The following CACNA1C variants were observed in gnomAD, a reference collection of about 807,000 sequenced individuals.
CACNA1C encodes voltage-dependent L-type calcium channel subunit alpha-1C.
A neutral mutation model predicts 229.0 loss-of-function variants in CACNA1C; 30 were observed. The observed-to-expected ratio is 0.13, with a 90% CI of 0.10 to 0.18. The LOEUF (loss-of-function observed/expected upper bound fraction) is 0.18. Among genes scored for constraint, CACNA1C ranks in the 10% least tolerant of loss-of-function variants. CACNA1C has a pLI of 1.00. For missense variants in CACNA1C, 1,658 were observed against 2,845.0 expected (o/e 0.58, Z 9.49); for synonymous variants, 1,114 against 1,132.5 (o/e 0.98, Z 0.33).
At position 2,608,487 on chromosome 12, in the gene CACNA1C, T is replaced by G. The variant is rs185174695; in HGVS notation, c.3357-24T>G. 41 of 1,578,224 alleles carry G rather than the reference T, an allele frequency of 2.6e-5. No individual in the cohort carries two copies. The African/African-American group carries it at 5.2e-4, about 20-fold the overall frequency. On this transcript the variant is annotated intron_variant, in intron 26 of 46. Transcript: ENST00000399655. This position sits in a 1 kb window ranked among gnomAD's most constrained non-coding sequence, Gnocchi z 4.2. ...GGGACCCTGCTTCTCCAGTTCCCTCTGTGGGACCTGTCTCCTCCTGCAGGC... is the reference window on the plus strand; with the variant it reads ...GGGACCCTGCTTCTCCAGTTCCCTCGGTGGGACCTGTCTCCTCCTGCAGGC...
At chr12:2,404,848 AG>A (rs1237203015) in intron 3 of CACNA1C, among the ~76,000 whole-genome samples, 2 of 152,166 alleles carry the variant, frequency 1.3e-5, no homozygotes, top group African/African-American at 2.4e-5. Flanking sequence ...TGAAGGACCG[AG>A]GGTATCCAGG....
At chr12:2,686,744 C>G (rs906272070) in intron 45 of CACNA1C, among the ~76,000 whole-genome samples, 7 of 152,146 alleles carry the variant, frequency 4.6e-5, no homozygotes, top group Admixed American at 4.6e-4. Context: ...GAATGACATC[C>G]GTGGGAAGCA....
chr12:2,062,969 T>C (rs1355317522), intron 1 of CACNA1C, among the ~76,000 whole-genome samples: 1 of 152,120 alleles, frequency 6.6e-6, no homozygotes, highest in Non-Finnish European at 1.5e-5. Flanking sequence ...ACCGTAAAAT[T>C]TACCCTTTTG....
chr12:2,098,668 T>G (rs1217958621), intron 1 of CACNA1C, among the ~76,000 whole-genome samples: 18 of 152,206 alleles, frequency 1.2e-4, no homozygotes, highest in Admixed American at 9.8e-4. Context: ...TAGCGATTGT[T>G]TTTAAGAGTT....
At chr12:2,573,294 C>T (rs1458837439) in intron 13 of CACNA1C, among the ~76,000 whole-genome samples, 2 of 152,226 alleles carry the variant, frequency 1.3e-5, no homozygotes, top group Non-Finnish European at 2.9e-5. Context: ...GAGATCCTCT[C>T]ACTTGGCTGA....
intron 3 of CACNA1C, among the ~76,000 whole-genome samples, chr12:2,297,030 G>A (rs1316989365): frequency 8.5e-5 from 13 of 152,168 alleles, no homozygotes; most frequent in Admixed American, 2.0e-4. Context: ...CCTGCCTTGG[G>A]GGTATAACCC....
intron 9 of CACNA1C, among the ~76,000 whole-genome samples, chr12:2,534,889 T>G (rs2099849498): frequency 6.6e-6 from 1 of 152,218 alleles, no homozygotes; most frequent in South Asian, 2.1e-4. Flanking sequence ...TCTCTATAAG[T>G]GACACAACAT....
At chr12:2,509,718 A>G (rs929220131) in intron 8 of CACNA1C, among the ~76,000 whole-genome samples, 3 of 152,142 alleles carry the variant, frequency 2.0e-5, no homozygotes, top group Non-Finnish European at 2.9e-5. Context: ...ACCAACAAAA[A>G]GCACAAAAAT....
rs2097783546 is a variant in CACNA1C, at chr12:2,368,908, A to T, written c.478-80068A>T. ...CAGTGAGGAAAGGATAAGAGACGGCATTCCTACAGATGAACAGAATGGTGC... is the reference window on the plus strand; with the variant it reads ...CAGTGAGGAAAGGATAAGAGACGGCTTTCCTACAGATGAACAGAATGGTGC... On this transcript the variant is annotated intron_variant, in intron 3 of 46. Coordinates refer to ENST00000399655, the MANE Select transcript of CACNA1C (RefSeq NM_000719.7). Among the ~76,000 whole-genome samples, 3 of 152,384 alleles carry T rather than the reference A, an allele frequency of 2.0e-5. No homozygotes were observed. The South Asian group carries it at 6.2e-4, about 32-fold the overall frequency.
chr12:2,680,483 A>AC (rs2097087217), intron 42 of CACNA1C: 1 of 1,568,280 alleles, frequency 6.4e-7, no homozygotes, highest in African/African-American at 1.4e-5. Context: ...GAGAGGACAC[A>AC]CCCTGCATCG....
chr12:2,181,165 G>A lies in CACNA1C; in HGVS notation c.477+60735G>A, dbSNP rs2096829968. Among the ~76,000 whole-genome samples the A allele has an allele frequency of 2.0e-5, 3 of 152,150 alleles. No individual in the cohort carries two copies. Among genetic ancestry groups the A allele is most frequent in the South Asian group, 2.1e-4 (1 of 4,820 alleles). ...GCCTGTGGACAGGAGAGCCCAGTCC[G>A]TGACGGCGGTAACAATGATCATTAC... On this transcript the variant is annotated intron_variant, in intron 3 of 46. Transcript: ENST00000399655. This position sits in a 1 kb window ranked among gnomAD's most constrained non-coding sequence, Gnocchi z 4.0.
chr12:2,407,373 G>A (rs958257803), intron 3 of CACNA1C, among the ~76,000 whole-genome samples: 2 of 86,746 alleles, frequency 2.3e-5, no homozygotes, highest in African/African-American at 3.9e-5. Flanking sequence ...CGTCTCCACC[G>A]ACACCATGTG....
chr12:2,345,288 G>A (rs1442532901), intron 3 of CACNA1C, among the ~76,000 whole-genome samples: 3 of 151,882 alleles, frequency 2.0e-5, no homozygotes, highest in Non-Finnish European at 4.4e-5. Flanking sequence ...ATCAAGGCTC[G>A]AACAGGCAGC....
chr12:2,116,699 TC>T (rs1415852903), intron 2 of CACNA1C, among the ~76,000 whole-genome samples: 2 of 151,904 alleles, frequency 1.3e-5, no homozygotes, highest in Non-Finnish European at 2.9e-5. Flanking sequence ...CTGAAGTTCC[TC>T]CCCCACTTCC....
At chr12:2,226,060 A>G (rs998739094) in intron 3 of CACNA1C, among the ~76,000 whole-genome samples, 3 of 151,762 alleles carry the variant, frequency 2.0e-5, no homozygotes, top group African/African-American at 7.3e-5. Flanking sequence ...TACTAACTAA[A>G]TTATTTCCTG....
Position 2,354,817 on chromosome 12 carries a change from T to C in CACNA1C, c.478-94159T>C, listed in dbSNP as rs775442784. ...TTCCATTCTCGTTTCCCTGGGCTGC[T>C]CTCCACCTTCCAGGCTTAGCTGGAG... On this transcript the variant is annotated intron_variant, in intron 3 of 46. Transcript: ENST00000399655. The surrounding 1 kb of genome is among the most constrained non-coding windows in gnomAD (Gnocchi z 4.6). Among the ~76,000 whole-genome samples, 1 of 152,188 alleles carries C rather than the reference T, an allele frequency of 6.6e-6. No homozygotes were observed. Among genetic ancestry groups the C allele is most frequent in the Non-Finnish European group, 1.5e-5 (1 of 68,036 alleles).
chr12:1,979,371 G>A (rs1466905851), intron 1 of CACNA1C, among the ~76,000 whole-genome samples: 1 of 152,038 alleles, frequency 6.6e-6, no homozygotes, highest in South Asian at 2.1e-4. Flanking sequence ...CTGGAGTGCA[G>A]TGGTGCCATC....
intron 3 of CACNA1C, among the ~76,000 whole-genome samples, chr12:2,226,426 T>C (rs1258144684): frequency 6.6e-6 from 1 of 152,192 alleles, no homozygotes; most frequent in African/African-American, 2.4e-5. Context: ...CAGATTTAGA[T>C]ATTCACTGTA....
intron 11 of CACNA1C, among the ~76,000 whole-genome samples, chr12:2,561,447 C>T (rs541303782): frequency 2.6e-5 from 4 of 152,206 alleles, no homozygotes; most frequent in South Asian, 4.2e-4. Flanking sequence ...GTGCCTAGCC[C>T]GTGGTCAGTG....
Sources: allele counts gnomAD v4.1 joint callset (sites outside exome capture counted in the v4.1 genomes callset), GRCh38; gene constraint gnomAD v4.1.1; non-coding constraint Gnocchi (gnomAD v3.1); transcripts MANE v1.5; gene names NCBI Gene and HGNC (gene_info 2026-07-23, HGNC 2026-07-21).